The following SHISA9 variants were observed in gnomAD, a reference collection of about 807,000 sequenced individuals.
The protein encoded by SHISA9 is shisa family member 9.
A neutral mutation model predicts 38.0 loss-of-function variants in SHISA9; 13 were observed. The ratio of observed to expected loss-of-function variants is 0.34; its 90% confidence interval spans 0.22 to 0.54. The LOEUF is 0.54. Ranked by LOEUF, SHISA9 falls within the 20% of genes least tolerant of loss-of-function variation. The pLI is 0.91. For missense variants in SHISA9, 538 were observed against 575.8 expected (o/e 0.93, Z 0.67); for synonymous variants, 275 against 242.0 (o/e 1.14, Z -1.27).
the SHISA9 span, among the ~76,000 whole-genome samples, chr16:13,411,080 A>G: frequency 1.3e-5 from 2 of 152,310 alleles, no homozygotes; most frequent in South Asian, 2.1e-4. Flanking sequence ...AAGATTTGAA[A>G]GTCTAGATAC....
At chr16:13,066,482 T>C (rs1398583245) in intron 2 of SHISA9, among the ~76,000 whole-genome samples, 1 of 152,240 alleles carries the variant, frequency 6.6e-6, no homozygotes, top group Non-Finnish European at 1.5e-5. Context: ...GTTGCTGATG[T>C]TCAAATGAGT....
the SHISA9 span, among the ~76,000 whole-genome samples, chr16:13,473,030 G>A: frequency 6.6e-6 from 1 of 151,964 alleles, no homozygotes; most frequent in East Asian, 1.9e-4. Context: ...TTCTTTATAT[G>A]CCTGTTAATT....
At chr16:13,265,713 G>A in the SHISA9 span, among the ~76,000 whole-genome samples, 2 of 151,740 alleles carry the variant, frequency 1.3e-5, no homozygotes, top group Admixed American at 6.6e-5. Context: ...GATATATGCT[G>A]AGGATAATGA....
the SHISA9 span, among the ~76,000 whole-genome samples, chr16:13,526,361 G>A: frequency 6.6e-6 from 1 of 152,102 alleles, no homozygotes; most frequent in Non-Finnish European, 1.5e-5. Flanking sequence ...AATTGGCTCA[G>A]GTCCTCAGCC....
the SHISA9 span, among the ~76,000 whole-genome samples, chr16:13,257,976 T>C: frequency 6.6e-6 from 1 of 152,244 alleles, no homozygotes; most frequent in African/African-American, 2.4e-5. Context: ...CTTCTCAGTA[T>C]GCCCTGTGTG....
At chr16:13,296,818 G>A in the SHISA9 span, among the ~76,000 whole-genome samples, 3 of 148,702 alleles carry the variant, frequency 2.0e-5, no homozygotes, top group Non-Finnish European at 3.0e-5. Context: ...TTGAACCTGG[G>A]AGGTGGAGGT....
intron 2 of SHISA9, among the ~76,000 whole-genome samples, chr16:12,942,248 G>T (rs1221122985): frequency 6.6e-6 from 1 of 152,234 alleles, no homozygotes; most frequent in African/African-American, 2.4e-5. Context: ...CCTCGGGACG[G>T]GAGAGTGGAA....
At chr16:13,423,296 C>T in the SHISA9 span, among the ~76,000 whole-genome samples, 1 of 152,208 alleles carries the variant, frequency 6.6e-6, no homozygotes, top group African/African-American at 2.4e-5. Context: ...CATCTGACAT[C>T]TGCCTTGTAT....
intron 2 of SHISA9, among the ~76,000 whole-genome samples, chr16:12,943,274 G>GGTGTGTGTGTGTGTGTGTGTGT (rs59109452): frequency 2.4e-5 from 2 of 82,274 alleles, no homozygotes; most frequent in African/African-American, 1.1e-4. Flanking sequence ...AACAGAGTAT[G>GGTGTGTGTGTGTGTGTGTGTGT]GTGTGTGTGT....
chr16:13,141,426 C>T (rs1336643784), intron 2 of SHISA9, among the ~76,000 whole-genome samples: 1 of 151,952 alleles, frequency 6.6e-6, no homozygotes, highest in Admixed American at 6.6e-5. Context: ...GTGGCTCACA[C>T]CTGTAATCCC....
chr16:13,227,570 C>G (rs758925041), intron 4 of SHISA9, among the ~76,000 whole-genome samples: 1 of 152,162 alleles, frequency 6.6e-6, no homozygotes, highest in Non-Finnish European at 1.5e-5. Context: ...GCTATTGAAT[C>G]TGTCCGGGAG....
the SHISA9 span, among the ~76,000 whole-genome samples, chr16:13,272,806 C>CT: frequency 6.6e-6 from 1 of 152,142 alleles, no homozygotes; most frequent in South Asian, 2.1e-4. Flanking sequence ...TTATCTTTCT[C>CT]TCTTCTTCTT....
At chr16:12,939,883 A>C (rs529571114) in intron 2 of SHISA9, among the ~76,000 whole-genome samples, 2 of 152,316 alleles carry the variant, frequency 1.3e-5, no homozygotes, top group South Asian at 4.1e-4. Flanking sequence ...TGAGAAAGCA[A>C]ATCTGGGACT....
chr16:13,179,143 C>A (rs2050756600), intron 2 of SHISA9, among the ~76,000 whole-genome samples: 1 of 152,116 alleles, frequency 6.6e-6, no homozygotes, highest in Admixed American at 6.5e-5. Flanking sequence ...TGGCAAAACC[C>A]TGCCTCTACT....
chr16:12,928,035 C>T (rs534754684), intron 2 of SHISA9, among the ~76,000 whole-genome samples: 3 of 152,304 alleles, frequency 2.0e-5, no homozygotes, highest in South Asian at 4.1e-4. Flanking sequence ...CAATTGCTTT[C>T]ATTTCACAAA....
chr16:13,496,013 C>T, the SHISA9 span, among the ~76,000 whole-genome samples: 1 of 152,012 alleles, frequency 6.6e-6, no homozygotes, highest in Non-Finnish European at 1.5e-5. Flanking sequence ...AAGCAATAAT[C>T]ACAGAGACAA....
At chr16:13,157,492 C>G (rs1029309557) in intron 2 of SHISA9, among the ~76,000 whole-genome samples, 2 of 152,126 alleles carry the variant, frequency 1.3e-5, no homozygotes, top group African/African-American at 2.4e-5. Flanking sequence ...ATCAGTAAAA[C>G]AGAGATCACA....
intron 2 of SHISA9, among the ~76,000 whole-genome samples, chr16:12,972,577 C>T (rs185458075): frequency 5.9e-5 from 9 of 152,290 alleles, no homozygotes; most frequent in African/African-American, 1.7e-4. Context: ...GGAAATACTC[C>T]GTGTCTGTTC....
chr16:13,397,466 G>C, the SHISA9 span, among the ~76,000 whole-genome samples: 1 of 152,144 alleles, frequency 6.6e-6, no homozygotes, highest in Non-Finnish European at 1.5e-5. Flanking sequence ...TCGCTCTGCT[G>C]CCCGCCCCGC....
Sources: allele counts gnomAD v4.1 joint callset (sites outside exome capture counted in the v4.1 genomes callset), GRCh38; gene constraint gnomAD v4.1.1; transcripts MANE v1.5; gene names NCBI Gene and HGNC (gene_info 2026-07-23, HGNC 2026-07-21).